ULK4: variants seen among roughly 807,000 people sequenced by gnomAD.
The protein encoded by ULK4 is inactive serine/threonine-protein kinase ULK4.
Under a neutral mutation model 160.6 loss-of-function variants are expected in ULK4, and 133 were observed. That is an observed-to-expected ratio of 0.83 (90% CI 0.72 to 0.96). The LOEUF is 0.96. ULK4 is among the 40% of genes least tolerant of loss of function. The probability of loss-of-function intolerance (pLI) is 0.00; values close to 1 mark genes in which losing one functional copy is unlikely to be tolerated. For missense variants in ULK4, 1,580 were observed against 1,499.5 expected, an observed-to-expected ratio of 1.05 and a Z score of -0.89; for synonymous variants, 534 against 539.8, an observed-to-expected ratio of 0.99 and a Z score of 0.15.
rs1699732690 is a variant in ULK4 at position 41,935,220 on chromosome 3, T to A, written c.378+581A>T. On this transcript the variant is annotated intron_variant, in intron 4 of 36. Transcript: ENST00000301831. Reference sequence around the variant, plus strand: ...TTATTTATTTATTTATTTTTTTTTTTTTTTTTTTTTTTTTTTTTTTTTTTT... The same window carrying A: ...TTATTTATTTATTTATTTTTTTTTTATTTTTTTTTTTTTTTTTTTTTTTTT... Among the ~76,000 whole-genome samples, 71 of 8,676 alleles carry A rather than the reference T, an allele frequency of 8.2e-3. 1 individual carries two copies. Among genetic ancestry groups the A allele is most frequent in the African/African-American group, 0.013 (67 of 5,196 alleles). The allele number at this position is 8,676 out of a possible 152,430, so 5.7% of individuals were successfully genotyped here.
intron 35 of ULK4, among the ~76,000 whole-genome samples, chr3:41,259,327 G>C (rs974828667): frequency 1.3e-5 from 2 of 152,144 alleles, no homozygotes; most frequent in Non-Finnish European, 2.9e-5. Flanking sequence ...ACACCCTGCA[G>C]TACACAGTTT....
At chr3:41,612,247 C>G (rs969142003) in intron 31 of ULK4, among the ~76,000 whole-genome samples, 1 of 152,098 alleles carries the variant, frequency 6.6e-6, no homozygotes, top group Non-Finnish European at 1.5e-5. Flanking sequence ...GTACACTGAC[C>G]TAGCCTTCCC....
intron 21 of ULK4, among the ~76,000 whole-genome samples, chr3:41,780,593 C>T (rs1272577474): frequency 6.6e-6 from 1 of 152,050 alleles, no homozygotes; most frequent in Non-Finnish European, 1.5e-5. Context: ...GGCAGCACAG[C>T]TCAGGTGCAT....
intron 21 of ULK4, among the ~76,000 whole-genome samples, chr3:41,771,583 T>G (rs1323597149): frequency 6.6e-6 from 1 of 152,064 alleles, no homozygotes; most frequent in African/African-American, 2.4e-5. Context: ...TGTGAGATGT[T>G]ACAATGCTTT....
intron 22 of ULK4, among the ~76,000 whole-genome samples, chr3:41,742,588 C>T (rs184364800): frequency 6.6e-5 from 10 of 151,942 alleles, no homozygotes; most frequent in South Asian, 6.2e-4. Flanking sequence ...CTCATCAAAA[C>T]GAGAACCAAG....
At chr3:41,484,549 T>A (rs914759922) in intron 32 of ULK4, among the ~76,000 whole-genome samples, 1 of 150,772 alleles carries the variant, frequency 6.6e-6, no homozygotes, top group African/African-American at 2.4e-5. Context: ...GCCTCCCGGG[T>A]TCACGCCATT....
intron 32 of ULK4, among the ~76,000 whole-genome samples, chr3:41,497,072 C>G (rs1002451154): frequency 2.8e-5 from 4 of 142,146 alleles, no homozygotes; most frequent in Non-Finnish European, 6.2e-5. Flanking sequence ...AATAGAGACA[C>G]TAAGATGATA....
chr3:41,680,826 T>G (rs1340049170), intron 29 of ULK4, among the ~76,000 whole-genome samples: 3 of 152,216 alleles, frequency 2.0e-5, no homozygotes, highest in Non-Finnish European at 4.4e-5. Flanking sequence ...AGCATTTGTT[T>G]GATTTCACAA....
intron 22 of ULK4, among the ~76,000 whole-genome samples, chr3:41,732,887 T>G (rs945723036): frequency 6.6e-6 from 1 of 152,094 alleles, no homozygotes; most frequent in East Asian, 1.9e-4. Flanking sequence ...CGCTCATATG[T>G]GGAATCTCAA....
At chr3:41,407,799 CAAAG>C (rs1480760152) in intron 34 of ULK4, among the ~76,000 whole-genome samples, 3 of 152,068 alleles carry the variant, frequency 2.0e-5, no homozygotes, top group Non-Finnish European at 2.9e-5. Flanking sequence ...AGATCATGAA[CAAAG>C]AAAGATGTCC....
intron 22 of ULK4, among the ~76,000 whole-genome samples, chr3:41,737,027 G>A (rs954658792): frequency 3.3e-5 from 5 of 151,744 alleles, no homozygotes; most frequent in Non-Finnish European, 7.4e-5. Context: ...ATTTCTGAGG[G>A]CTCTGTTCTG....
chr3:41,934,772 T>C (rs939150125), intron 4 of ULK4, among the ~76,000 whole-genome samples: 3 of 152,142 alleles, frequency 2.0e-5, no homozygotes, highest in African/African-American at 7.2e-5. Context: ...ATTTGATCCA[T>C]AATATCAGGA....
At chr3:41,658,838 C>A (rs984142630) in intron 30 of ULK4, among the ~76,000 whole-genome samples, 1 of 151,482 alleles carries the variant, frequency 6.6e-6, no homozygotes, top group African/African-American at 2.4e-5. Flanking sequence ...AAGTTCTGAA[C>A]ATGTTATGTA....
At chr3:41,494,472 C>T (rs1365040607) in intron 32 of ULK4, among the ~76,000 whole-genome samples, 1 of 149,300 alleles carries the variant, frequency 6.7e-6, no homozygotes, top group Non-Finnish European at 1.5e-5. Flanking sequence ...CAGCCAATAT[C>T]ATACTGAATG....
intron 27 of ULK4, among the ~76,000 whole-genome samples, chr3:41,693,028 CAT>C (rs1192118459): frequency 6.6e-6 from 1 of 152,206 alleles, no homozygotes; most frequent in African/African-American, 2.4e-5. Context: ...ATTGGAAATT[CAT>C]AAATAACACT....
At chr3:41,502,411 A>T (rs971382150) in intron 32 of ULK4, among the ~76,000 whole-genome samples, 2 of 152,252 alleles carry the variant, frequency 1.3e-5, no homozygotes, top group Non-Finnish European at 2.9e-5. Context: ...AAAGTTTAAA[A>T]GCACATTTAC....
At position 41,563,193 on chromosome 3, in the gene ULK4, C is replaced by A. The variant is rs542601881; in HGVS notation, c.3226+2832G>T. Among the ~76,000 whole-genome samples, 16 of 152,322 alleles carry A rather than the reference C, an allele frequency of 1.1e-4. No individual in the cohort carries two copies. In the East Asian group the frequency reaches 2.1e-3, roughly 20 times the overall value. ...AGAATGTTGAATATTGGCCCCCACT[C>A]TCTTCTGGCTTGTAGGGTTTCTGCC... On this transcript the variant is annotated intron_variant, in intron 32 of 36. Coordinates refer to ENST00000301831, the MANE Select transcript of ULK4 (RefSeq NM_017886.4).
At chr3:41,593,822 AG>A (rs772505973) in intron 31 of ULK4, among the ~76,000 whole-genome samples, 1 of 151,980 alleles carries the variant, frequency 6.6e-6, no homozygotes, top group Non-Finnish European at 1.5e-5. Flanking sequence ...ACTTGAGCTC[AG>A]AAGCTCAGAC....
intron 30 of ULK4, among the ~76,000 whole-genome samples, chr3:41,623,855 G>A: frequency 6.6e-6 from 1 of 152,162 alleles, no homozygotes; most frequent in East Asian, 1.9e-4. Context: ...GATAGCACGT[G>A]AAGTGATGGA....
Sources: allele counts gnomAD v4.1 joint callset (sites outside exome capture counted in the v4.1 genomes callset), GRCh38; gene constraint gnomAD v4.1.1; transcripts MANE v1.5; gene names NCBI Gene and HGNC (gene_info 2026-07-23, HGNC 2026-07-21).